The following CSMD1 variants were observed in gnomAD, a reference collection of about 807,000 sequenced individuals.
The protein encoded by CSMD1 is CUB and sushi domain-containing protein 1.
CSMD1 carries 213 observed loss-of-function variants against 417.5 expected under a neutral mutation model. That is an observed-to-expected ratio of 0.51 (90% confidence interval 0.46 to 0.57). CSMD1 has a LOEUF of 0.57. Ranked by LOEUF, CSMD1 falls within the 20% of genes least tolerant of loss-of-function variation. The pLI is 0.00. For synonymous variants in CSMD1, 2,862 were observed against 1,736.8 expected, an observed-to-expected ratio of 1.65 and a Z score of -16.11; for missense variants, 6,923 against 4,529.7, an observed-to-expected ratio of 1.53 and a Z score of -15.17.
intron 1 of CSMD1, among the ~76,000 whole-genome samples, chr8:4,906,132 T>C (rs1405626461): frequency 6.6e-6 from 1 of 152,206 alleles, no homozygotes; most frequent in Non-Finnish European, 1.5e-5. Context: ...GGTTTCTAGA[T>C]GCTACCTGCA....
intron 5 of CSMD1, among the ~76,000 whole-genome samples, chr8:3,985,546 T>A (rs1466103850): frequency 6.6e-6 from 1 of 152,120 alleles, no homozygotes; most frequent in Non-Finnish European, 1.5e-5. Flanking sequence ...TTTTACTCCA[T>A]GGATTGCTCT....
rs568405306 is a variant in CSMD1 at position 3,162,247 on chromosome 8, G to T, written c.5756C>A (p.Ala1919Asp). ...GATTTTGATGCTGTTGCTGGGGAGGGCTGGTTCTTGGCATGCAGCAAGACC... is the reference window on the plus strand; with the variant it reads ...GATTTTGATGCTGTTGCTGGGGAGGTCTGGTTCTTGGCATGCAGCAAGACC... ...TVGLAACQEP[A>D]LPSNSIKIGD... is the part of the protein sequence containing the mutation. Residue 1919 changes from alanine to aspartate, a missense_variant, in exon 38 of 70, where the codon GCC becomes GAC. Coordinates refer to ENST00000635120, the MANE Select transcript of CSMD1 (RefSeq NM_033225.6). The T allele has an allele frequency of 1.9e-5, 31 of 1,609,980 alleles. No individual in the cohort carries two copies. The East Asian group carries it at 6.9e-4, about 36-fold the overall frequency.
At chr8:4,100,051 A>G (rs1176054832) in intron 3 of CSMD1, among the ~76,000 whole-genome samples, 1 of 152,176 alleles carries the variant, frequency 6.6e-6, no homozygotes, top group Non-Finnish European at 1.5e-5. Context: ...TAACGTGAGC[A>G]TGCACTTTAG....
intron 5 of CSMD1, among the ~76,000 whole-genome samples, chr8:3,789,029 C>T (rs1179994746): frequency 6.6e-6 from 1 of 152,142 alleles, no homozygotes; most frequent in African/African-American, 2.4e-5. Context: ...TAGGAGGATG[C>T]TATGTTCTGA....
At chr8:4,754,528 A>G (rs564595041) in intron 1 of CSMD1, among the ~76,000 whole-genome samples, 1 of 150,032 alleles carries the variant, frequency 6.7e-6, no homozygotes, top group Admixed American at 6.6e-5. Flanking sequence ...ATTAGCGTCT[A>G]TGTACTGCAC....
intron 7 of CSMD1, among the ~76,000 whole-genome samples, chr8:3,676,670 C>T (rs1044739233): frequency 1.3e-5 from 2 of 152,120 alleles, no homozygotes; most frequent in African/African-American, 4.8e-5. Context: ...GTATATGAAT[C>T]AAGTTCCATA....
chr8:3,863,505 G>C (rs1804870241), intron 5 of CSMD1, among the ~76,000 whole-genome samples: 1 of 151,606 alleles, frequency 6.6e-6, no homozygotes, highest in South Asian at 2.1e-4. Context: ...AACCACATCA[G>C]ATATTGGGCT....
At chr8:4,439,371 A>T (rs1295790787) in intron 2 of CSMD1, among the ~76,000 whole-genome samples, 1 of 152,152 alleles carries the variant, frequency 6.6e-6, no homozygotes, top group Non-Finnish European at 1.5e-5. Flanking sequence ...ATTACTATAC[A>T]ACTTTGTGGG....
At chr8:3,804,533 T>G (rs1468034945) in intron 5 of CSMD1, among the ~76,000 whole-genome samples, 1 of 152,222 alleles carries the variant, frequency 6.6e-6, no homozygotes, top group African/African-American at 2.4e-5. Flanking sequence ...ACGCATCATG[T>G]TGCTATAAAT....
At chr8:4,311,069 A>G (rs1302060320) in intron 3 of CSMD1, among the ~76,000 whole-genome samples, 1 of 152,284 alleles carries the variant, frequency 6.6e-6, no homozygotes, top group East Asian at 1.9e-4. Context: ...AATTAGTTCA[A>G]CTACTGTGGA....
Position 4,207,109 on chromosome 8 carries a change from C to A in CSMD1, c.416-175010G>T, listed in dbSNP as rs147760769. Among the ~76,000 whole-genome samples, 1,006 of 151,988 alleles carry A rather than the reference C, an allele frequency of 6.6e-3. 13 individuals carry two copies. The highest frequency in any genetic ancestry group is 0.023 in the African/African-American group (964 of 41,434). ...GAAAATTAAAGTGTTTTCTCATTTT[C>A]TAAATAGTCTTAAAAATAGGACAGT... On this transcript the variant is annotated intron_variant, in intron 3 of 69. Transcript: ENST00000635120.
At chr8:3,513,913 C>G (rs1407963701) in intron 10 of CSMD1, among the ~76,000 whole-genome samples, 1 of 152,082 alleles carries the variant, frequency 6.6e-6, no homozygotes, top group African/African-American at 2.4e-5. Flanking sequence ...ATAATTCAGG[C>G]CAGAACATAA....
chr8:3,680,378 A>G (rs10110282), intron 7 of CSMD1, among the ~76,000 whole-genome samples: 22,357 of 152,162 alleles, frequency 0.15, 1,828 homozygotes, highest in South Asian at 0.22. Flanking sequence ...CCACAGAAAT[A>G]CAAACTACCA....
At position 3,703,839 on chromosome 8, in the gene CSMD1, G is replaced by A. The variant is rs1801011253; in HGVS notation, c.1009+4575C>T. The stretch of plus-strand genomic sequence containing the variant: ...TAATCCCAGCACTTAAGGAGGCCAA[G>A]GCAGGAAGATCACCTGAGGTCAGGA... On this transcript the variant is annotated intron_variant, in intron 7 of 69. Coordinates refer to ENST00000635120, the MANE Select transcript of CSMD1 (RefSeq NM_033225.6). 2.6e-5 allele frequency among the ~76,000 whole-genome samples: 4 copies of A among 152,278 alleles called. No individual in the cohort carries two copies. In the South Asian group the frequency reaches 8.3e-4, roughly 32 times the overall value.
rs55657873 is a variant in CSMD1, at chr8:4,516,758, C to A, written c.303-96693G>T. On this transcript the variant is annotated intron_variant, in intron 2 of 69. Coordinates refer to ENST00000635120, the MANE Select transcript of CSMD1 (RefSeq NM_033225.6). ...TCTTACTAACAACAAGGTCCCTTTG[C>A]ATTTGGATCAACTCATGTAAAGTTC... is the stretch of plus-strand genomic sequence containing the variant. Among the ~76,000 whole-genome samples the A allele has an allele frequency of 2.3e-3, 355 of 152,284 alleles. 4 individuals carry two copies. Among genetic ancestry groups the A allele is most frequent in the African/African-American group, 7.9e-3 (330 of 41,568 alleles).
chr8:3,679,665 G>A (rs1004782713), intron 7 of CSMD1, among the ~76,000 whole-genome samples: 2 of 152,132 alleles, frequency 1.3e-5, no homozygotes, highest in African/African-American at 2.4e-5. Flanking sequence ...GAATTGAACT[G>A]AGCTCTGCAC....
intron 51 of CSMD1, among the ~76,000 whole-genome samples, chr8:3,021,836 C>T (rs1809432786): frequency 6.6e-6 from 1 of 150,522 alleles, no homozygotes; most frequent in Non-Finnish European, 1.5e-5. Context: ...CCGGAATGCA[C>T]CTGCAATCCC....
chr8:4,181,960 G>GTA (rs1798401896), intron 3 of CSMD1, among the ~76,000 whole-genome samples: 1 of 150,608 alleles, frequency 6.6e-6, no homozygotes, highest in Non-Finnish European at 1.5e-5. Flanking sequence ...GTGTCTGCGT[G>GTA]TGTGTGTGTG....
intron 3 of CSMD1, among the ~76,000 whole-genome samples, chr8:4,234,591 G>A (rs1024525671): frequency 6.6e-6 from 1 of 152,106 alleles, no homozygotes; most frequent in South Asian, 2.1e-4. Context: ...TTTTAATTGA[G>A]TGTTTGTATT....
Sources: allele counts gnomAD v4.1 joint callset (sites outside exome capture counted in the v4.1 genomes callset), GRCh38; gene constraint gnomAD v4.1.1; transcripts MANE v1.5; gene names NCBI Gene and HGNC (gene_info 2026-07-23, HGNC 2026-07-21).